Variants in VAV2 observed in about 807,000 individuals in gnomAD.
The protein encoded by VAV2 is guanine nucleotide exchange factor VAV2.
Under a neutral mutation model 132.5 loss-of-function variants are expected in VAV2, and 67 were observed. The observed-to-expected ratio is 0.51, with a 90% confidence interval of 0.42 to 0.62. VAV2 has a LOEUF of 0.62. Among genes scored for constraint, VAV2 ranks in the 20% least tolerant of loss-of-function variants. The probability of loss-of-function intolerance (pLI) is 0.00; values close to 1 mark genes in which losing one functional copy is unlikely to be tolerated. For missense variants in VAV2, 938 were observed against 1,153.6 expected, an observed-to-expected ratio of 0.81 and a Z score of 2.71; for synonymous variants, 492 against 443.5, an observed-to-expected ratio of 1.11 and a Z score of -1.37.
At chr9:133,890,229 G>A (rs942769241) in intron 2 of VAV2, among the ~76,000 whole-genome samples, 1 of 152,190 alleles carries the variant, frequency 6.6e-6, no homozygotes, top group Non-Finnish European at 1.5e-5. Flanking sequence ...CAGGCCGGGA[G>A]TCTGGGCAGT....
rs868356889 is a variant in VAV2, at chr9:133,842,855, C to T, written c.381-8515G>A. Reference sequence around the variant, plus strand: ...CCCTAGCCCTTTTGGCACTGTGTGCCGGGGAAACAGCAGCCAGGCAAACTT... The same window carrying T: ...CCCTAGCCCTTTTGGCACTGTGTGCTGGGGAAACAGCAGCCAGGCAAACTT... On this transcript the variant is annotated intron_variant, in intron 3 of 29. Coordinates refer to ENST00000371850, the MANE Select transcript of VAV2 (RefSeq NM_001134398.2). 9.2e-5 allele frequency among the ~76,000 whole-genome samples: 14 copies of T among 152,168 alleles called. 1 individual carries two copies. The highest frequency in any genetic ancestry group is 2.9e-4 in the African/African-American group (12 of 41,430).
intron 2 of VAV2, among the ~76,000 whole-genome samples, chr9:133,896,187 G>GCTTA (rs1364176933): frequency 6.6e-6 from 1 of 152,226 alleles, no homozygotes; most frequent in African/African-American, 2.4e-5. Context: ...GGGCGCAGTG[G>GCTTA]CTTACGCCTA....
intron 2 of VAV2, among the ~76,000 whole-genome samples, chr9:133,876,485 G>A (rs58712767): frequency 6.6e-6 from 1 of 152,388 alleles, no homozygotes; most frequent in East Asian, 1.9e-4. Flanking sequence ...AGAACGTGCA[G>A]GGGCAGAGCC....
chr9:133,772,744 C>T (rs912215383), intron 25 of VAV2, among the ~76,000 whole-genome samples: 1 of 152,088 alleles, frequency 6.6e-6, no homozygotes, highest in Non-Finnish European at 1.5e-5. Flanking sequence ...TACAGTCAGG[C>T]GGCGTTTAAC....
At position 133,879,688 on chromosome 9, in the gene VAV2, G is replaced by A. The variant is rs577385769; in HGVS notation, c.322-18256C>T. On this transcript the variant is annotated intron_variant, in intron 2 of 29. Transcript: ENST00000371850. The surrounding 1 kb of genome is among the most constrained non-coding windows in gnomAD (Gnocchi z 4.4). ...ACTGCTGGCTCAGATGAACCACCAA[G>A]AACCTGCTCTCCCTTCCAAAGCAGA... is the stretch of plus-strand genomic sequence containing the variant. Among the ~76,000 whole-genome samples, 1 of 152,272 alleles carries A rather than the reference G, an allele frequency of 6.6e-6. No individual in the cohort carries two copies. The highest frequency in any genetic ancestry group is 1.5e-5 in the Non-Finnish European group (1 of 68,018).
At chr9:133,807,976 G>T (rs895563398) in intron 7 of VAV2, among the ~76,000 whole-genome samples, 1 of 152,186 alleles carries the variant, frequency 6.6e-6, no homozygotes, top group African/African-American at 2.4e-5. Flanking sequence ...GCATCCTCTG[G>T]GCCCAGCTGC....
rs113036679 is a variant in VAV2 at position 133,840,154 on chromosome 9, G to A, written c.381-5814C>T. Among the ~76,000 whole-genome samples the A allele has an allele frequency of 1.6e-3, 247 of 152,344 alleles. 1 individual carries two copies. Among genetic ancestry groups the A allele is most frequent in the African/African-American group, 5.9e-3 (244 of 41,574 alleles). On this transcript the variant is annotated intron_variant, in intron 3 of 29. Transcript: ENST00000371850. This position sits in a 1 kb window ranked among gnomAD's most constrained non-coding sequence, Gnocchi z 4.5. ...AGCCTATCCAGAAGTTGTCCTGAGA[G>A]CAGTCATCCTGGCTCCCCAGGGGCG...
rs75372416 is a variant in VAV2, at chr9:133,876,355, G to A, written c.322-14923C>T. Among the ~76,000 whole-genome samples the A allele has an allele frequency of 1.2e-3, 183 of 152,370 alleles. 1 individual carries two copies. The East Asian group carries it at 0.034, about 28-fold the overall frequency. ...ACCACTGACCGCTGCCAGCAGAGGC[G>A]CTGTGGAGACAAGAGTGGTAGGGGG... On this transcript the variant is annotated intron_variant, in intron 2 of 29. Coordinates refer to ENST00000371850, the MANE Select transcript of VAV2 (RefSeq NM_001134398.2).
intron 7 of VAV2, among the ~76,000 whole-genome samples, 194 bp from the exon 8 acceptor site, chr9:133,807,520 G>A (rs1358134085): frequency 3.3e-5 from 5 of 152,208 alleles, no homozygotes; most frequent in African/African-American, 1.2e-4. Flanking sequence ...AGGTGCGGGG[G>A]TAAAGATTCT....
chr9:133,772,596 C>T (rs1833668459), intron 25 of VAV2, among the ~76,000 whole-genome samples: 1 of 151,742 alleles, frequency 6.6e-6, no homozygotes, highest in Middle Eastern at 3.2e-3. Context: ...TACAGAGGAG[C>T]CCCCATATCC....
intron 1 of VAV2, among the ~76,000 whole-genome samples, chr9:133,952,309 T>C (rs1414210339): frequency 3.3e-5 from 5 of 152,034 alleles, no homozygotes; most frequent in Admixed American, 2.0e-4. Context: ...TAAAATTAAA[T>C]TGATGCTCTC....
intron 1 of VAV2, among the ~76,000 whole-genome samples, chr9:133,985,775 G>A (rs1414282467): frequency 2.0e-5 from 3 of 152,300 alleles, no homozygotes; most frequent in East Asian, 3.9e-4. Flanking sequence ...TGATGAGGAC[G>A]AATCAAAAGA....
chr9:133,844,883 G>A (rs1399621842), intron 3 of VAV2, among the ~76,000 whole-genome samples: 2 of 152,372 alleles, frequency 1.3e-5, no homozygotes, highest in East Asian at 3.9e-4. Flanking sequence ...CTCTGTGCCC[G>A]ACGGTGCCCA....
At chr9:133,819,147 G>A (rs28435685) in intron 4 of VAV2, among the ~76,000 whole-genome samples, 30,088 of 151,804 alleles carry the variant, frequency 0.2, 3,602 homozygotes, top group African/African-American at 0.33. Context: ...CTTGTCATTC[G>A]CCCGGGGCAC....
intron 13 of VAV2, 59 bp downstream of exon 13, chr9:133,791,724 T>C (rs1013515088): frequency 6.8e-7 from 1 of 1,480,356 alleles, no homozygotes. Flanking sequence ...GCTGTGAACG[T>C]GACTTTATAG....
intron 7 of VAV2, among the ~76,000 whole-genome samples, chr9:133,807,797 C>T (rs1356606347): frequency 2.0e-5 from 3 of 152,194 alleles, no homozygotes; most frequent in African/African-American, 7.2e-5. Context: ...CGAGGAGTGC[C>T]GGTGGTGGGG....
intron 13 of VAV2, among the ~76,000 whole-genome samples, chr9:133,790,587 C>T (rs1436916779): frequency 3.9e-5 from 6 of 152,326 alleles, no homozygotes; most frequent in East Asian, 3.9e-4. Flanking sequence ...GTGACCGCCT[C>T]GCGCAGGAGC....
At chr9:133,963,262 A>T (rs1167123168) in intron 1 of VAV2, among the ~76,000 whole-genome samples, 2 of 152,136 alleles carry the variant, frequency 1.3e-5, no homozygotes, top group African/African-American at 2.4e-5. Flanking sequence ...CAGGGATCGG[A>T]GCCCTCAGCA....
At chr9:133,780,225 G>A (rs937408153) in intron 20 of VAV2, among the ~76,000 whole-genome samples, 2 of 152,226 alleles carry the variant, frequency 1.3e-5, no homozygotes, top group African/African-American at 4.8e-5. Context: ...CACCTGCTCT[G>A]AGCCTGGGCT....
Sources: allele counts gnomAD v4.1 joint callset (sites outside exome capture counted in the v4.1 genomes callset), GRCh38; gene constraint gnomAD v4.1.1; non-coding constraint Gnocchi (gnomAD v3.1); transcripts MANE v1.5; gene names NCBI Gene and HGNC (gene_info 2026-07-23, HGNC 2026-07-21).